The following RNF130 variants were observed in gnomAD, a reference collection of about 807,000 sequenced individuals.
The protein encoded by RNF130 is ring finger protein 130, also known as E3 ubiquitin-protein ligase RNF130.
RNF130 carries 21 observed loss-of-function variants against 44.6 expected under a neutral mutation model. The observed-to-expected ratio is 0.47, with a 90% CI of 0.33 to 0.68. RNF130 has a LOEUF of 0.68. RNF130 is among the 30% of genes least tolerant of loss of function. The pLI, the probability that RNF130 is intolerant of heterozygous loss-of-function variation, is 0.02. For synonymous variants in RNF130, 214 were observed against 210.4 expected, an observed-to-expected ratio of 1.02 and a Z score of -0.15; for missense variants, 479 against 560.6, an observed-to-expected ratio of 0.85 and a Z score of 1.47.
At chr5:180,033,295 A>G (rs903392709) in intron 2 of RNF130, among the ~76,000 whole-genome samples, 2 of 152,062 alleles carry the variant, frequency 1.3e-5, no homozygotes, top group Non-Finnish European at 2.9e-5. Context: ...ATTTTCTTGA[A>G]TTTCTCTCAG....
At chr5:179,963,150 C>T (rs1000774379) in intron 8 of RNF130, among the ~76,000 whole-genome samples, 11 of 152,232 alleles carry the variant, frequency 7.2e-5, no homozygotes, top group African/African-American at 2.7e-4. Context: ...GATGAGGATG[C>T]TGACAGCCTT....
intron 3 of RNF130, among the ~76,000 whole-genome samples, chr5:179,992,744 C>CT (rs1763114630): frequency 6.6e-6 from 1 of 152,006 alleles, no homozygotes; most frequent in African/African-American, 2.4e-5. Flanking sequence ...TATTATTATA[C>CT]TTTAAGTTCT....
intron 3 of RNF130, among the ~76,000 whole-genome samples, chr5:180,012,518 C>T (rs1763616551): frequency 6.6e-6 from 1 of 152,130 alleles, no homozygotes; most frequent in Non-Finnish European, 1.5e-5. Context: ...AATAGATGCG[C>T]TGTCAGTGGA....
At chr5:180,040,406 G>T in intron 2 of RNF130, 47 bp downstream of exon 2, 1 of 1,553,778 alleles carries the variant, frequency 6.4e-7, no homozygotes. Context: ...ATAAAGCAAT[G>T]ATTTCTAAGA....
Position 179,980,182 on chromosome 5 carries a change from C to G in RNF130, c.712G>C (p.Ala238Pro). The G allele has an allele frequency of 6.2e-7, 1 of 1,614,076 alleles. No individual in the cohort carries two copies. The stretch of plus-strand genomic sequence containing the variant: ...GTCAATTTACTGATGGCTTTCTTGG[C>G]TGCATCTCCGAGACGACGCTATGAA... ...DRNQRRLGDAAKKAISKLTTR... is the reference protein window; with the variant it reads ...DRNQRRLGDAPKKAISKLTTR... Residue 238 changes from alanine (A) to proline (P), a missense_variant, in exon 4 of 9, where the codon GCC becomes CCC. Transcript: ENST00000521389.
At chr5:179,985,038 A>G (rs1447889719) in intron 3 of RNF130, among the ~76,000 whole-genome samples, 1 of 152,044 alleles carries the variant, frequency 6.6e-6, no homozygotes, top group African/African-American at 2.4e-5. Context: ...CTTGAACAAC[A>G]TGGAAACACC....
intron 7 of RNF130, among the ~76,000 whole-genome samples, chr5:179,922,501 TG>T (rs1213700719): frequency 6.6e-6 from 1 of 151,784 alleles, no homozygotes; most frequent in Admixed American, 6.6e-5. Flanking sequence ...TTAATAGAGA[TG>T]GGGTTTCACC....
At chr5:180,032,262 G>T (rs974897099) in intron 2 of RNF130, among the ~76,000 whole-genome samples, 2 of 152,080 alleles carry the variant, frequency 1.3e-5, no homozygotes, top group East Asian at 3.9e-4. Context: ...AGAACTTCTT[G>T]TTCAAAATCA....
At chr5:180,043,537 C>G (rs1053817164) in intron 1 of RNF130, among the ~76,000 whole-genome samples, 1 of 152,078 alleles carries the variant, frequency 6.6e-6, no homozygotes, top group African/African-American at 2.4e-5. Flanking sequence ...CAAGCCTCAT[C>G]TTTTTTACCT....
At chr5:179,942,796 C>T (rs1761983250) in intron 7 of RNF130, among the ~76,000 whole-genome samples, 1 of 152,190 alleles carries the variant, frequency 6.6e-6, no homozygotes, top group Non-Finnish European at 1.5e-5. Flanking sequence ...TTTCTTAGAA[C>T]ATCCTCTGCG....
intron 2 of RNF130, among the ~76,000 whole-genome samples, chr5:180,023,787 A>C (rs568670582): frequency 6.6e-6 from 1 of 152,222 alleles, no homozygotes; most frequent in Non-Finnish European, 1.5e-5. Context: ...AATTATGTAG[A>C]TACTCTACCC....
At chr5:179,995,269 A>G (rs1763176498) in intron 3 of RNF130, among the ~76,000 whole-genome samples, 1 of 152,168 alleles carries the variant, frequency 6.6e-6, no homozygotes, top group Non-Finnish European at 1.5e-5. Flanking sequence ...CAGACAGACC[A>G]TATATCTGCC....
intron 3 of RNF130, among the ~76,000 whole-genome samples, chr5:179,992,979 G>A (rs907396246): frequency 1.3e-5 from 2 of 152,094 alleles, no homozygotes; most frequent in Non-Finnish European, 2.9e-5. Context: ...GTGGTGTTTG[G>A]TTTTCTGTCC....
At chr5:179,967,343 T>C (rs570423962) in intron 6 of RNF130, among the ~76,000 whole-genome samples, 3 of 152,368 alleles carry the variant, frequency 2.0e-5, no homozygotes, top group Admixed American at 2.0e-4. Context: ...AAGAGTAAAC[T>C]ATTACTTTGC....
intron 3 of RNF130, among the ~76,000 whole-genome samples, chr5:179,991,273 A>T (rs981241655): frequency 6.6e-6 from 1 of 152,150 alleles, no homozygotes; most frequent in Non-Finnish European, 1.5e-5. Context: ...TCTGATGACT[A>T]TATGTCATGG....
At chr5:180,034,691 G>A (rs1472318046) in intron 2 of RNF130, among the ~76,000 whole-genome samples, 2 of 152,154 alleles carry the variant, frequency 1.3e-5, no homozygotes, top group Admixed American at 6.5e-5. Context: ...CTTGGCCCTT[G>A]GGTGGCATCT....
chr5:180,043,155 A>G (rs1183615637), intron 1 of RNF130, among the ~76,000 whole-genome samples: 1 of 152,146 alleles, frequency 6.6e-6, no homozygotes, highest in African/African-American at 2.4e-5. Flanking sequence ...TCATCTCTAC[A>G]CAAAATAAAA....
At chr5:180,011,799 A>G (rs1763602219) in intron 3 of RNF130, among the ~76,000 whole-genome samples, 1 of 152,188 alleles carries the variant, frequency 6.6e-6, no homozygotes, top group Admixed American at 6.5e-5. Flanking sequence ...TTAAAAAAGT[A>G]TAGTTACATA....
intron 1 of RNF130, among the ~76,000 whole-genome samples, chr5:180,067,563 AATC>A (rs60246221): frequency 0.016 from 2,512 of 152,302 alleles, 83 homozygotes; most frequent in African/African-American, 0.058. Flanking sequence ...GGCTAATGGA[AATC>A]ATCATTCAAA....
Sources: allele counts gnomAD v4.1 joint callset (sites outside exome capture counted in the v4.1 genomes callset), GRCh38; gene constraint gnomAD v4.1.1; transcripts MANE v1.5; gene names NCBI Gene and HGNC (gene_info 2026-07-23, HGNC 2026-07-21).